PHF14: variants seen among roughly 807,000 people sequenced by gnomAD.
The protein encoded by PHF14 is PHD finger protein 14.
Under a neutral mutation model 117.9 loss-of-function variants are expected in PHF14, and 55 were observed. The observed-to-expected ratio is 0.47, with a 90% CI of 0.38 to 0.58. The LOEUF (loss-of-function observed/expected upper bound fraction) is 0.58. PHF14 is among the 20% of genes least tolerant of loss of function. The pLI, the probability that PHF14 is intolerant of heterozygous loss-of-function variation, is 0.00. For missense variants in PHF14, 978 were observed against 1,122.2 expected (o/e 0.87, Z 1.84); for synonymous variants, 409 against 368.6 (o/e 1.11, Z -1.26).
At chr7:11,119,694 T>G (rs1787694745) in intron 17 of PHF14, among the ~76,000 whole-genome samples, 1 of 151,904 alleles carries the variant, frequency 6.6e-6, no homozygotes, top group Non-Finnish European at 1.5e-5. Context: ...CATAATTTTA[T>G]AAAATATTTG....
At chr7:11,022,612 A>G (rs1490927258) in intron 5 of PHF14, among the ~76,000 whole-genome samples, 2 of 152,222 alleles carry the variant, frequency 1.3e-5, no homozygotes, top group African/African-American at 2.4e-5. Flanking sequence ...TTTAAGTGAA[A>G]GGCAATTATA....
chr7:10,983,444 A>G (rs1782113118), intron 3 of PHF14, among the ~76,000 whole-genome samples: 1 of 152,306 alleles, frequency 6.6e-6, no homozygotes, highest in East Asian at 1.9e-4. Flanking sequence ...AAAGTTTTCC[A>G]TTCTCCTTTT....
intron 7 of PHF14, among the ~76,000 whole-genome samples, chr7:11,032,255 A>C (rs1784145275): frequency 6.6e-6 from 1 of 152,214 alleles, no homozygotes; most frequent in African/African-American, 2.4e-5. Flanking sequence ...AATATTGATA[A>C]TGCATAATTA....
At chr7:11,028,599 T>G in intron 6 of PHF14, 82 bp from the exon 7 acceptor site, 1 of 1,233,994 alleles carries the variant, frequency 8.1e-7, no homozygotes, top group South Asian at 1.3e-5. Context: ...TTTTAAATAT[T>G]TAGTGGACAC....
intron 16 of PHF14, chr7:11,063,055 A>G (rs1032793360): frequency 2.6e-6 from 2 of 773,030 alleles, no homozygotes; most frequent in African/African-American, 1.9e-5. Flanking sequence ...GATTTAATCT[A>G]TTTTGGTCAT....
intron 16 of PHF14, among the ~76,000 whole-genome samples, chr7:11,088,422 A>G (rs200394435): frequency 1.7e-5 from 2 of 115,900 alleles, no homozygotes; most frequent in Non-Finnish European, 3.7e-5. Context: ...ACACACGCAC[A>G]CACACACACA....
At chr7:11,038,413 AGAGT>A (rs1784381237) in intron 10 of PHF14, among the ~76,000 whole-genome samples, 1 of 148,458 alleles carries the variant, frequency 6.7e-6, no homozygotes, top group Non-Finnish European at 1.5e-5. Context: ...CCTGGGCGAC[AGAGT>A]GAGACTCCAT....
At chr7:11,135,915 C>T (rs959145613) in intron 17 of PHF14, among the ~76,000 whole-genome samples, 3 of 151,900 alleles carry the variant, frequency 2.0e-5, no homozygotes, top group African/African-American at 7.3e-5. Context: ...GCTGGCTGAC[C>T]AAGGTAAAGG....
intron 13 of PHF14, 84 bp from the exon 14 acceptor site, chr7:11,051,528 C>T (rs1784850697): frequency 9.2e-7 from 1 of 1,081,134 alleles, no homozygotes; most frequent in African/African-American, 1.6e-5. Flanking sequence ...TTCTTATATA[C>T]CTGGATTTTG....
chr7:11,071,663 T>C lies in PHF14; in HGVS notation c.2654+9578T>C, dbSNP rs1785616299. 4.6e-5 allele frequency among the ~76,000 whole-genome samples: 7 copies of C among 152,328 alleles called. No homozygotes were observed. In the South Asian group the frequency reaches 1.4e-3, roughly 32 times the overall value. ...CACCTCAAAAATTACTATGCCTGTT[T>C]ATAGTCATTCATAGCCCCCATTTCC... On this transcript the variant is annotated intron_variant, in intron 16 of 17. Transcript: ENST00000634607.
At chr7:11,076,093 C>T (rs1300798210) in intron 16 of PHF14, among the ~76,000 whole-genome samples, 2 of 152,160 alleles carry the variant, frequency 1.3e-5, no homozygotes, top group African/African-American at 4.8e-5. Context: ...GAGCCAAGAT[C>T]GTGCCGCTGC....
chr7:11,139,773 A>G (rs1345290256), intron 17 of PHF14, among the ~76,000 whole-genome samples: 1 of 152,214 alleles, frequency 6.6e-6, no homozygotes, highest in East Asian at 1.9e-4. Context: ...GGTACTCTCT[A>G]AGGTACAAAA....
chr7:11,083,940 G>C (rs774073222), intron 16 of PHF14, among the ~76,000 whole-genome samples: 1 of 152,178 alleles, frequency 6.6e-6, no homozygotes, highest in Non-Finnish European at 1.5e-5. Flanking sequence ...TGGGATGCCC[G>C]TCTGGGGCAA....
intron 3 of PHF14, among the ~76,000 whole-genome samples, chr7:10,987,178 A>G (rs1310228439): frequency 6.6e-6 from 1 of 152,128 alleles, no homozygotes; most frequent in Non-Finnish European, 1.5e-5. Flanking sequence ...TCTGAGTCCT[A>G]AAAAAAGGTT....
At chr7:10,998,062 T>C (rs188837838) in intron 4 of PHF14, among the ~76,000 whole-genome samples, 95 of 151,986 alleles carry the variant, frequency 6.3e-4, no homozygotes, top group African/African-American at 2.1e-3. Context: ...AAAGGGAGAA[T>C]TGGTGATATA....
chr7:11,086,965 C>T (rs1347849642), intron 16 of PHF14, among the ~76,000 whole-genome samples: 1 of 152,026 alleles, frequency 6.6e-6, no homozygotes, highest in Non-Finnish European at 1.5e-5. Flanking sequence ...TATGTATGTA[C>T]TATTAGTTTT....
intron 16 of PHF14, 76 bp from the exon 17 acceptor site, chr7:11,111,274 C>T (rs1428472147): frequency 4.6e-6 from 3 of 655,660 alleles, no homozygotes; most frequent in African/African-American, 3.7e-5. Flanking sequence ...AATAGTTTGT[C>T]TTTTTGTCTT....
chr7:11,112,928 G>A (rs1787491607), intron 17 of PHF14, among the ~76,000 whole-genome samples: 1 of 151,936 alleles, frequency 6.6e-6, no homozygotes, highest in Non-Finnish European at 1.5e-5. Context: ...ATTTAAGAGA[G>A]AACATATTTA....
chr7:11,100,547 C>T (rs1343423334), intron 16 of PHF14, among the ~76,000 whole-genome samples: 1 of 151,838 alleles, frequency 6.6e-6, no homozygotes, highest in Non-Finnish European at 1.5e-5. Context: ...AATTTCTTCC[C>T]TTCCAGAAAA....
Sources: allele counts gnomAD v4.1 joint callset (sites outside exome capture counted in the v4.1 genomes callset), GRCh38; gene constraint gnomAD v4.1.1; transcripts MANE v1.5; gene names NCBI Gene and HGNC (gene_info 2026-07-23, HGNC 2026-07-21).